CLIP4: variants seen among roughly 807,000 people sequenced by gnomAD.
CLIP4 encodes the protein CAP-Gly domain-containing linker protein 4.
Under a neutral mutation model 73.1 loss-of-function variants are expected in CLIP4, and 47 were observed. That is an observed-to-expected ratio of 0.64 (90% confidence interval 0.51 to 0.82). The LOEUF is 0.82. CLIP4 is among the 40% of genes least tolerant of loss of function. The pLI is 0.00. For synonymous variants in CLIP4, 306 were observed against 295.4 expected (o/e 1.04, Z -0.37); for missense variants, 874 against 852.9 (o/e 1.02, Z -0.31).
rs1052772418 is a variant in CLIP4 at position 29,131,445 on chromosome 2, G to A, written c.273+48G>A. 9 of 1,533,436 alleles carry A rather than the reference G, an allele frequency of 5.9e-6. 1 individual carries two copies. In the South Asian group the frequency reaches 1.2e-4, roughly 20 times the overall value. 95.0% of individuals were successfully genotyped at this position (1,533,436 alleles called of 1,614,324 possible). A position where few individuals can be genotyped will look rare whatever the true frequency, so the allele number is the denominator to read the frequency against. ...GTTTTGCATTGTTAGGATTGTTAATGGTATAGATTTTTTTCCCCATCTGAA... is the reference window on the plus strand; with the variant it reads ...GTTTTGCATTGTTAGGATTGTTAATAGTATAGATTTTTTTCCCCATCTGAA... On this transcript the variant is annotated intron_variant, in intron 3 of 15. Transcript: ENST00000320081.
intron 1 of CLIP4, among the ~76,000 whole-genome samples, chr2:29,107,167 T>A (rs1668231244): frequency 6.6e-6 from 1 of 152,048 alleles, no homozygotes; most frequent in Non-Finnish European, 1.5e-5. Context: ...CAACCCCTAA[T>A]CAAGATGTTA....
intron 12 of CLIP4, among the ~76,000 whole-genome samples, chr2:29,162,965 G>A (rs2148061139): frequency 6.6e-6 from 1 of 152,072 alleles, no homozygotes; most frequent in African/African-American, 2.4e-5. Flanking sequence ...ACTTGATACT[G>A]ATTATAAGAG....
intron 6 of CLIP4, among the ~76,000 whole-genome samples, chr2:29,137,249 C>G (rs557720338): frequency 6.6e-6 from 1 of 152,216 alleles, no homozygotes; most frequent in East Asian, 1.9e-4. Context: ...ACCCAGTGTT[C>G]AGCTCCCACT....
At position 29,181,805 on chromosome 2, in the gene CLIP4, G is replaced by A. The variant is rs759224506; in HGVS notation, c.2030G>A (p.Cys677Tyr). 6.2e-6 allele frequency: 10 copies of A among 1,614,192 alleles called. No individual in the cohort carries two copies. In the South Asian group the frequency reaches 9.9e-5, roughly 16 times the overall value. Reference sequence around the variant, plus strand: ...GTGGGTGACAAGCGCTATTTCACCTGTAAGCCGAACCATGGAGTCTTAGTT... The same window carrying A: ...GTGGGTGACAAGCGCTATTTCACCTATAAGCCGAACCATGGAGTCTTAGTT... ...GSVGDKRYFT[C>Y]KPNHGVLVRP... Residue 677 changes from cysteine (C) to tyrosine (Y), a missense_variant, in exon 16 of 16, where the codon TGT becomes TAT. Cys to Tyr is a radical substitution (Grantham distance 194). Coordinates refer to ENST00000320081, the MANE Select transcript of CLIP4 (RefSeq NM_024692.6).
chr2:29,145,377 A>G lies in CLIP4; in HGVS notation c.1021+10A>G. ...TGTGCCCCCAAGTATGGTAAGGTTG[A>G]TATTATTTAACTCGGTAAGAATTAA... is the stretch of plus-strand genomic sequence containing the variant. On this transcript the variant is annotated intron_variant, in intron 8 of 15. Transcript: ENST00000320081. The G allele has an allele frequency of 6.3e-7, 1 of 1,586,996 alleles. No individual in the cohort carries two copies. The highest frequency in any genetic ancestry group is 8.6e-7 in the Non-Finnish European group (1 of 1,161,664).
chr2:29,107,098 C>G (rs1668229043), intron 1 of CLIP4, among the ~76,000 whole-genome samples: 1 of 152,082 alleles, frequency 6.6e-6, no homozygotes, highest in Admixed American at 6.6e-5. Context: ...CCATTGTTGA[C>G]AAGGTGCAAG....
intron 14 of CLIP4, among the ~76,000 whole-genome samples, chr2:29,173,333 C>T (rs557670675): frequency 1.3e-5 from 2 of 152,214 alleles, no homozygotes; most frequent in African/African-American, 4.8e-5. Context: ...TTTCCTTTGT[C>T]TTCATCTGAA....
At chr2:29,119,326 A>T (rs1664093985) in intron 1 of CLIP4, among the ~76,000 whole-genome samples, 1 of 152,194 alleles carries the variant, frequency 6.6e-6, no homozygotes, top group African/African-American at 2.4e-5. Flanking sequence ...TGTACGATAG[A>T]GTTCGTATCT....
At chr2:29,127,914 A>C (rs1446468789) in intron 2 of CLIP4, among the ~76,000 whole-genome samples, 1 of 152,194 alleles carries the variant, frequency 6.6e-6, no homozygotes, top group Non-Finnish European at 1.5e-5. Context: ...ATTTTATAAC[A>C]TTTGAAGATA....
intron 6 of CLIP4, among the ~76,000 whole-genome samples, chr2:29,142,518 A>G (rs964401781): frequency 2.0e-5 from 3 of 152,144 alleles, no homozygotes; most frequent in African/African-American, 7.2e-5. Flanking sequence ...ACATTAGTGT[A>G]ACACATATCT....
At position 29,143,912 on chromosome 2, in the gene CLIP4, G is replaced by A. The variant is rs771723506; in HGVS notation, c.852G>A (p.Lys284=). 1 of 1,614,070 alleles carries A rather than the reference G, an allele frequency of 6.2e-7. No homozygotes were observed. Among genetic ancestry groups the A allele is most frequent in the African/African-American group, 1.3e-5 (1 of 74,938 alleles). The change falls in exon 7 of 16, where the codon AAG becomes AAA. Residue 284 remains lysine (K), a synonymous_variant. Coordinates refer to ENST00000320081, the MANE Select transcript of CLIP4 (RefSeq NM_024692.6). ...GKAMLTSLGL[K]LGDRVVIAGQ... is the part of the protein sequence containing the mutation. ...CAATGCTTACGTCACTTGGCCTGAA[G>A]TTGGGGGATCGTGTTGTTATTGCAG...
At chr2:29,145,417 GT>G in intron 8 of CLIP4, 50 bp downstream of exon 8, 1 of 1,460,192 alleles carries the variant, frequency 6.8e-7, no homozygotes, top group South Asian at 1.3e-5. Context: ...AAATAATCAA[GT>G]TTTACTCTTT....
rs889083465 is a variant in CLIP4 at position 29,120,956 on chromosome 2, G to T, written c.-15-418G>T. On this transcript the variant is annotated intron_variant, in intron 1 of 15. Coordinates refer to ENST00000320081, the MANE Select transcript of CLIP4 (RefSeq NM_024692.6). Reference sequence around the variant, plus strand: ...ACATTTTAAGGTAGATTATCTTCATGTGATGAGCACATGGCATGAGCTATT... The same window carrying T: ...ACATTTTAAGGTAGATTATCTTCATTTGATGAGCACATGGCATGAGCTATT... Among the ~76,000 whole-genome samples the T allele has an allele frequency of 5.3e-5, 8 of 152,158 alleles. No individual in the cohort carries two copies. The East Asian group carries it at 1.5e-3, about 29-fold the overall frequency.
At chr2:29,112,079 T>C (rs2148443139), upstream of CLIP4, among the ~76,000 whole-genome samples, 1 of 152,358 alleles carries the variant, frequency 6.6e-6, no homozygotes, top group Admixed American at 6.5e-5. Flanking sequence ...AGGTAGCATT[T>C]ATACGTGGGT....
chr2:29,170,031 C>T (rs150411438), intron 14 of CLIP4, among the ~76,000 whole-genome samples: 309 of 152,280 alleles, frequency 2.0e-3, no homozygotes, highest in Non-Finnish European at 3.5e-3. Flanking sequence ...CTGTGCCTGG[C>T]GTATTTCACT....
In CLIP4 at chr2:29,174,432, A is replaced by G; in HGVS notation, c.1783A>G (p.Asn595Asp). The change falls in exon 15 of 16, where the codon AAT (asparagine) becomes GAT (aspartate). Residue 595 changes from asparagine (N) to aspartate (D), a missense_variant. Transcript: ENST00000320081. ...TTCCCAAAAGGAGATTAACAGAAGA[A>G]ATGCTTTTTCCAAGTGAGTATTAAG... is the stretch of plus-strand genomic sequence containing the variant. ...ASSQKEINRR[N>D]AFSKSKAALR... 6.2e-7 allele frequency: 1 copy of G among 1,612,074 alleles called. No individual in the cohort carries two copies. Among genetic ancestry groups the G allele is most frequent in the East Asian group, 2.2e-5 (1 of 44,800 alleles).
intron 8 of CLIP4, among the ~76,000 whole-genome samples, chr2:29,150,733 C>G (rs1185472997): frequency 7.0e-6 from 1 of 142,126 alleles, no homozygotes; most frequent in Non-Finnish European, 1.5e-5. Flanking sequence ...AAGCGATTCT[C>G]CTGCCTCAGC....
At chr2:29,146,916 G>A (rs576698291) in intron 8 of CLIP4, among the ~76,000 whole-genome samples, 5 of 152,266 alleles carry the variant, frequency 3.3e-5, no homozygotes, top group African/African-American at 9.6e-5. Context: ...TGGCTATCAC[G>A]CTTTTATCAA....
chr2:29,148,017 A>T (rs528261277), intron 8 of CLIP4, among the ~76,000 whole-genome samples: 1 of 152,326 alleles, frequency 6.6e-6, no homozygotes, highest in African/African-American at 2.4e-5. Flanking sequence ...TTAGATTGCC[A>T]GCAGAACTCA....
Sources: allele counts gnomAD v4.1 joint callset (sites outside exome capture counted in the v4.1 genomes callset), GRCh38; gene constraint gnomAD v4.1.1; transcripts MANE v1.5; gene names NCBI Gene and HGNC (gene_info 2026-07-23, HGNC 2026-07-21).